RASGEF1C: variants seen among roughly 807,000 people sequenced by gnomAD.
The protein encoded by RASGEF1C is RasGEF domain family member 1C.
Under a neutral mutation model 58.1 loss-of-function variants are expected in RASGEF1C, and 27 were observed. The ratio of observed to expected loss-of-function variants is 0.46; its 90% CI spans 0.34 to 0.64. The LOEUF is 0.64. Ranked by LOEUF, RASGEF1C falls within the 30% of genes least tolerant of loss-of-function variation. The pLI, the probability that RASGEF1C is intolerant of heterozygous loss-of-function variation, is 0.01. For synonymous variants in RASGEF1C, 243 were observed against 246.3 expected (o/e 0.99, Z 0.13); for missense variants, 502 against 605.1 (o/e 0.83, Z 1.79).
chr5:180,130,865 T>C (rs1384137851), intron 4 of RASGEF1C, among the ~76,000 whole-genome samples: 3 of 152,148 alleles, frequency 2.0e-5, no homozygotes, highest in Non-Finnish European at 4.4e-5. Context: ...CATGGTCCTC[T>C]GTTTGCCCAG....
chr5:180,153,721 A>C, intron 1 of RASGEF1C, among the ~76,000 whole-genome samples: 1 of 152,200 alleles, frequency 6.6e-6, no homozygotes, highest in East Asian at 1.9e-4. Context: ...TCATGTCTAC[A>C]ATTAATGGTA....
chr5:180,111,379 G>A (rs1765956278), intron 12 of RASGEF1C, 78 bp downstream of exon 12: 4 of 1,594,656 alleles, frequency 2.5e-6, no homozygotes, highest in Non-Finnish European at 3.4e-6. Context: ...ACTCAGAGCA[G>A]GGGTCCTGAA....
intron 1 of RASGEF1C, among the ~76,000 whole-genome samples, chr5:180,203,452 A>T (rs1366725364): frequency 6.6e-6 from 1 of 152,170 alleles, no homozygotes; most frequent in East Asian, 1.9e-4. Flanking sequence ...ATCCAGCCAA[A>T]ATTTTAAGCT....
chr5:180,172,442 G>T (rs545038193), intron 1 of RASGEF1C, among the ~76,000 whole-genome samples: 1 of 152,298 alleles, frequency 6.6e-6, no homozygotes, highest in East Asian at 1.9e-4. Flanking sequence ...TCATGAGGCA[G>T]CCAAGGAAAT....
intron 1 of RASGEF1C, among the ~76,000 whole-genome samples, chr5:180,188,885 A>T (rs1756095562): frequency 6.6e-6 from 1 of 152,158 alleles, no homozygotes; most frequent in Non-Finnish European, 1.5e-5. Flanking sequence ...GTCCACGAAT[A>T]CCCAGCAATC....
intron 1 of RASGEF1C, among the ~76,000 whole-genome samples, chr5:180,174,491 C>CCT (rs1554114714): frequency 7.0e-6 from 1 of 143,694 alleles, no homozygotes; most frequent in East Asian, 2.0e-4. Flanking sequence ...TGTGTGTGCG[C>CCT]GTGTGTGTCT....
Position 180,200,793 on chromosome 5 carries a change from G to A in RASGEF1C, c.-7+8235C>T, listed in dbSNP as rs542920883. ...CTCCAGCATGAGTAGGAGACAGGGCGCGCGCTCCTCTAACTGGTGTGGGCG... is the reference window on the plus strand; with the variant it reads ...CTCCAGCATGAGTAGGAGACAGGGCACGCGCTCCTCTAACTGGTGTGGGCG... On this transcript the variant is annotated intron_variant, in intron 1 of 13. Coordinates refer to ENST00000361132, the MANE Select transcript of RASGEF1C (RefSeq NM_175062.4). Among the ~76,000 whole-genome samples, 49 of 152,220 alleles carry A rather than the reference G, an allele frequency of 3.2e-4. 1 individual carries two copies. The highest frequency in any genetic ancestry group is 4.7e-4 in the Non-Finnish European group (32 of 68,018).
chr5:180,128,491 T>A lies in RASGEF1C; in HGVS notation c.558A>T (p.Pro186=). ...GGAGCTCCCTGTGGATGGAGGCTGG[T>A]GGCTTGGTCCTGTAGGAGATGGGCT... ...ADKPISYRTK[P]PASIHRELLG... The change falls in exon 5 of 14, where the codon CCA becomes CCT. Residue 186 remains proline (P), a synonymous_variant. Coordinates refer to ENST00000361132, the MANE Select transcript of RASGEF1C (RefSeq NM_175062.4). 2 of 1,614,030 alleles carry A rather than the reference T, an allele frequency of 1.2e-6. No homozygotes were observed. The highest frequency in any genetic ancestry group is 1.7e-6 in the Non-Finnish European group (2 of 1,180,012).
chr5:180,154,480 A>G (rs969487156), intron 1 of RASGEF1C, among the ~76,000 whole-genome samples: 1 of 152,138 alleles, frequency 6.6e-6, no homozygotes, highest in African/African-American at 2.4e-5. Flanking sequence ...CCATAGGGAA[A>G]TGACTACCCA....
intron 1 of RASGEF1C, among the ~76,000 whole-genome samples, chr5:180,190,398 G>A (rs2127562645): frequency 6.6e-6 from 1 of 150,740 alleles, no homozygotes; most frequent in South Asian, 2.1e-4. Flanking sequence ...GCTGAGGCAG[G>A]AGAGTGGCGT....
At chr5:180,186,677 C>A (rs1315034624) in intron 1 of RASGEF1C, among the ~76,000 whole-genome samples, 1 of 152,040 alleles carries the variant, frequency 6.6e-6, no homozygotes, top group South Asian at 2.1e-4. Context: ...ATCAAAATAC[C>A]CATCCTGGCC....
At position 180,137,932 on chromosome 5, in the gene RASGEF1C, C is replaced by G; in HGVS notation, c.121G>C (p.Ala41Pro). ...QPLLDGAPSSASLETLIQHLV... is the reference protein window; with the variant it reads ...QPLLDGAPSSPSLETLIQHLV... The stretch of plus-strand genomic sequence containing the variant: ...TGCTGGATCAGTGTTTCCAGGGAGG[C>G]TGAGGATGGCGCTCCATCCAGGAGG... Residue 41 changes from alanine to proline, a missense_variant, in exon 2 of 14, where the codon GCC (alanine) becomes CCC (proline). By Grantham distance (27) the Ala-to-Pro change is conservative (BLOSUM62 -1). Coordinates refer to ENST00000361132, the MANE Select transcript of RASGEF1C (RefSeq NM_175062.4). This position sits in a 1 kb window ranked among gnomAD's most constrained non-coding sequence, Gnocchi z 4.1. 1.2e-6 allele frequency: 2 copies of G among 1,613,258 alleles called. No individual in the cohort carries two copies. Among genetic ancestry groups the G allele is most frequent in the East Asian group, 2.2e-5 (1 of 44,852 alleles).
Position 180,136,535 on chromosome 5 carries a change from A to T in RASGEF1C, c.301-20T>A. On this transcript the variant is annotated intron_variant, in intron 3 of 13. Transcript: ENST00000361132. Reference sequence around the variant, plus strand: ...CCGGGCCTACGGGCAAGCGAGGGGCACCGCGCTCGTGAGGGGCGCCGGGTG... The same window carrying T: ...CCGGGCCTACGGGCAAGCGAGGGGCTCCGCGCTCGTGAGGGGCGCCGGGTG... 1 of 1,564,418 alleles carries T rather than the reference A, an allele frequency of 6.4e-7. No homozygotes were observed. The highest frequency in any genetic ancestry group is 8.7e-7 in the Non-Finnish European group (1 of 1,153,952).
chr5:180,127,479 G>A (rs546001675), intron 6 of RASGEF1C, 130 bp downstream of exon 6: 2 of 772,468 alleles, frequency 2.6e-6, no homozygotes, highest in African/African-American at 3.6e-5. Context: ...AGTGGGCAGG[G>A]CCCCCCGAGC....
At position 180,158,434 on chromosome 5, in the gene RASGEF1C, C is replaced by T. The variant is rs550047074; in HGVS notation, c.-6-20376G>A. ...GTTTAAGATCTCACATGCCTGTAAA[C>T]GTTCTCATTTTACTCACACTTGCTA... is the stretch of plus-strand genomic sequence containing the variant. On this transcript the variant is annotated intron_variant, in intron 1 of 13. Transcript: ENST00000361132. The surrounding 1 kb of genome is among the most constrained non-coding windows in gnomAD (Gnocchi z 4.0). Among the ~76,000 whole-genome samples the T allele has an allele frequency of 1.4e-4, 22 of 152,150 alleles. No individual in the cohort carries two copies. The highest frequency in any genetic ancestry group is 2.6e-4 in the Non-Finnish European group (18 of 68,024).
chr5:180,127,599 A>C lies in RASGEF1C; in HGVS notation c.714+10T>G, dbSNP rs1316843485. 6.2e-7 allele frequency: 1 copy of C among 1,607,724 alleles called. No individual in the cohort carries two copies. The highest frequency in any genetic ancestry group is 1.7e-5 in the Admixed American group (1 of 58,766). On this transcript the variant is annotated intron_variant, in intron 6 of 13. Transcript: ENST00000361132. ...GCTCACTTTTGGGACAGCCCGTAAG[A>C]GCCTCCTACCTTTGTGCTGGCCAGA...
intron 1 of RASGEF1C, among the ~76,000 whole-genome samples, chr5:180,208,466 C>T (rs1756531750): frequency 6.6e-6 from 1 of 152,150 alleles, no homozygotes; most frequent in South Asian, 2.1e-4. Context: ...TGATGCCGTC[C>T]GCTGTCACTG....
At chr5:180,206,055 T>A (rs1298242944) in intron 1 of RASGEF1C, among the ~76,000 whole-genome samples, 6 of 152,062 alleles carry the variant, frequency 3.9e-5, no homozygotes, top group Non-Finnish European at 8.8e-5. Flanking sequence ...TTAAATATAT[T>A]TTTTCTCTCT....
At chr5:180,134,689 G>A (rs1023643250) in intron 4 of RASGEF1C, among the ~76,000 whole-genome samples, 5 of 149,772 alleles carry the variant, frequency 3.3e-5, no homozygotes, top group Non-Finnish European at 7.4e-5. Context: ...CCTACCCATC[G>A]GTCCACCATT....
Sources: allele counts gnomAD v4.1 joint callset (sites outside exome capture counted in the v4.1 genomes callset), GRCh38; gene constraint gnomAD v4.1.1; non-coding constraint Gnocchi (gnomAD v3.1); transcripts MANE v1.5; gene names NCBI Gene and HGNC (gene_info 2026-07-23, HGNC 2026-07-21).